The following LRP5 variants were observed in gnomAD, a reference collection of about 807,000 sequenced individuals.
The protein encoded by LRP5 is low-density lipoprotein receptor-related protein 5.
In LRP5, 62 loss-of-function variants were observed where a neutral mutation model predicts 154.1. The observed-to-expected ratio is 0.40, with a 90% confidence interval of 0.33 to 0.50. The LOEUF is 0.50. LRP5 is among the 20% of genes least tolerant of loss of function. The pLI, the probability that LRP5 is intolerant of heterozygous loss-of-function variation, is 0.55. For missense variants in LRP5, 1,915 were observed against 2,336.7 expected, an observed-to-expected ratio of 0.82 and a Z score of 3.72; for synonymous variants, 966 against 1,011.5, an observed-to-expected ratio of 0.96 and a Z score of 0.85.
chr11:68,369,258 A>G (rs897874029), intron 5 of LRP5, among the ~76,000 whole-genome samples: 2 of 152,164 alleles, frequency 1.3e-5, no homozygotes, highest in African/African-American at 4.8e-5. Flanking sequence ...GGGAGTGGGC[A>G]GGTGAGAGCT....
At chr11:68,361,446 G>A (rs1437188624) in intron 3 of LRP5, among the ~76,000 whole-genome samples, 2 of 151,854 alleles carry the variant, frequency 1.3e-5, no homozygotes, top group East Asian at 3.9e-4. Flanking sequence ...ACCATCCTGG[G>A]TAACACGGTG....
chr11:68,409,061 A>T (rs909557488), intron 9 of LRP5, among the ~76,000 whole-genome samples: 2 of 19,312 alleles, frequency 1.0e-4, no homozygotes, highest in African/African-American at 3.4e-4. Flanking sequence ...GAAAAAAAAA[A>T]AAAAAAAAAA....
At chr11:68,327,494 T>A (rs913021763) in intron 1 of LRP5, among the ~76,000 whole-genome samples, 2 of 151,978 alleles carry the variant, frequency 1.3e-5, no homozygotes, top group African/African-American at 4.8e-5. Flanking sequence ...TTGCCCCCCC[T>A]TAGGCAGCAT....
chr11:68,376,461 G>A (rs2098637406), intron 5 of LRP5, among the ~76,000 whole-genome samples: 1 of 152,186 alleles, frequency 6.6e-6, no homozygotes, highest in South Asian at 2.1e-4. Context: ...TGGGATTACA[G>A]GCATGAGCCA....
Position 68,438,539 on chromosome 11 carries a change from G to T in LRP5, c.4205G>T (p.Gly1402Val). The stretch of plus-strand genomic sequence containing the variant: ...ATCCTCTCTCTCTTCGTCATGGGTG[G>T]TGTCTATTTTGTGTGCCAGCGCGTG... The part of the protein sequence containing the change: ...GIILSLFVMG[G>V]VYFVCQRVVC... The change falls in exon 20 of 23, where the codon GGT (glycine) becomes GTT (valine). Residue 1402 changes from glycine to valine, a missense_variant. By Grantham distance (109) the Gly-to-Val change is moderately radical. Coordinates refer to ENST00000294304, the MANE Select transcript of LRP5 (RefSeq NM_002335.4). 1 of 1,614,224 alleles carries T rather than the reference G, an allele frequency of 6.2e-7. No homozygotes were observed. The highest frequency in any genetic ancestry group is 8.5e-7 in the Non-Finnish European group (1 of 1,180,042).
At chr11:68,359,015 C>T (rs1231713207) in intron 3 of LRP5, among the ~76,000 whole-genome samples, 1 of 152,244 alleles carries the variant, frequency 6.6e-6, no homozygotes, top group East Asian at 1.9e-4. Flanking sequence ...CATGAACAGA[C>T]TTGAGGGCTT....
At chr11:68,348,605 TG>T (rs541046739) in intron 2 of LRP5, among the ~76,000 whole-genome samples, 1 of 147,814 alleles carries the variant, frequency 6.8e-6, no homozygotes, top group East Asian at 2.0e-4. Flanking sequence ...AATGAACCCG[TG>T]GGGGGGTTGG....
At chr11:68,421,724 G>GTGTGTGGT (rs1445142488) in intron 13 of LRP5, among the ~76,000 whole-genome samples, 1 of 115,334 alleles carries the variant, frequency 8.7e-6, no homozygotes, top group Admixed American at 9.3e-5. Flanking sequence ...GTGTGTGTGT[G>GTGTGTGGT]GTGTGTGTGT....
chr11:68,363,732 C>G lies in LRP5; in HGVS notation c.687-15C>G, dbSNP rs1463371397. 1 of 1,609,884 alleles carries G rather than the reference C, an allele frequency of 6.2e-7. No homozygotes were observed. ...CCCTCCTGATGGCTCCTCCACCCCG[C>G]TTCCCTGACTGCAGGCAGAAGGTGG... is the stretch of plus-strand genomic sequence containing the variant. On this transcript the variant is annotated splice_polypyrimidine_tract_variant and intron_variant, in intron 3 of 22. Coordinates refer to ENST00000294304, the MANE Select transcript of LRP5 (RefSeq NM_002335.4).
At chr11:68,445,573 G>T (rs1482618653) in intron 21 of LRP5, 1 of 1,313,104 alleles carries the variant, frequency 7.6e-7, no homozygotes, top group Non-Finnish European at 1.0e-6. Context: ...TATTCCGCAG[G>T]GGCTCGGATC....
intron 21 of LRP5, among the ~76,000 whole-genome samples, chr11:68,440,661 C>A (rs758227810): frequency 3.3e-5 from 5 of 152,200 alleles, no homozygotes; most frequent in Non-Finnish European, 7.3e-5. Context: ...AGTCCAGCCC[C>A]CTTCTGCTTC....
Position 68,403,609 on chromosome 11 carries a change from G to T in LRP5, c.1711G>T (p.Val571Leu). ...TDWQRRSIER[V>L]HKVKASRDVI... ...CTGGCAGCGCCGCAGCATCGAGCGG[G>T]TGCACAAGGTCAAGGCCAGCCGGGA... Residue 571 changes from valine (V) to leucine (L), a missense_variant, in exon 8 of 23, where the codon GTG becomes TTG. Val to Leu is a conservative substitution (Grantham distance 32). Transcript: ENST00000294304. 6.2e-7 allele frequency: 1 copy of T among 1,614,216 alleles called. No individual in the cohort carries two copies. Among genetic ancestry groups the T allele is most frequent in the African/African-American group, 1.3e-5 (1 of 75,064 alleles).
intron 1 of LRP5, among the ~76,000 whole-genome samples, chr11:68,337,473 G>A (rs115057318): frequency 0.021 from 3,160 of 152,222 alleles, 91 homozygotes; most frequent in Middle Eastern, 0.088. Context: ...TGGGGATCAG[G>A]CCTGGGCATG....
chr11:68,299,496 AGTGTAGACAGCAGGGTGGAGTG>A, the LRP5 span, among the ~76,000 whole-genome samples: 2 of 112,724 alleles, frequency 1.8e-5, no homozygotes, highest in Non-Finnish European at 4.0e-5. Flanking sequence ...TGGAGTGCTC[AGTGTAGACAGCAGGGTGGAGTG>A]CTCAGTGTAG....
intron 1 of LRP5, among the ~76,000 whole-genome samples, chr11:68,335,598 C>A (rs1176616505): frequency 6.6e-6 from 1 of 152,032 alleles, no homozygotes; most frequent in Non-Finnish European, 1.5e-5. Flanking sequence ...ATTGTTGATT[C>A]ATTAACATTG....
chr11:68,424,540 G>T (rs1283859696), intron 14 of LRP5, among the ~76,000 whole-genome samples: 1 of 152,226 alleles, frequency 6.6e-6, no homozygotes, highest in East Asian at 1.9e-4. Context: ...CAGGGCTCCG[G>T]GGTCCTTAGC....
At chr11:68,355,119 C>T (rs1026704397) in intron 2 of LRP5, among the ~76,000 whole-genome samples, 10 of 152,124 alleles carry the variant, frequency 6.6e-5, no homozygotes, top group African/African-American at 2.4e-4. Context: ...ATGGGGTGGC[C>T]CTTGGTGCAC....
intron 1 of LRP5, among the ~76,000 whole-genome samples, chr11:68,324,227 G>A (rs1239478668): frequency 6.6e-6 from 1 of 152,268 alleles, no homozygotes; most frequent in African/African-American, 2.4e-5. Flanking sequence ...ACCTGGCTGC[G>A]GGCGGAACAG....
rs118133447 is a variant in LRP5, at chr11:68,370,793, G to A, written c.1015+5091G>A. 2.6e-3 allele frequency among the ~76,000 whole-genome samples: 396 copies of A among 152,322 alleles called. 5 individuals are homozygous for A. The East Asian group carries it at 0.03, about 11-fold the overall frequency. ...AGGCCCTGCTTGGGCGAGACTCTGG[G>A]CCGGGAACGTCCACATGCAGCCAGT... is the stretch of plus-strand genomic sequence containing the variant. On this transcript the variant is annotated intron_variant, in intron 5 of 22. Transcript: ENST00000294304.
Sources: allele counts gnomAD v4.1 joint callset (sites outside exome capture counted in the v4.1 genomes callset), GRCh38; gene constraint gnomAD v4.1.1; transcripts MANE v1.5; gene names NCBI Gene and HGNC (gene_info 2026-07-23, HGNC 2026-07-21).